The following CTNNA2 variants were observed in gnomAD, a reference collection of about 807,000 sequenced individuals.
The protein encoded by CTNNA2 is catenin alpha-2.
A neutral mutation model predicts 101.0 loss-of-function variants in CTNNA2; 42 were observed. The ratio of observed to expected loss-of-function variants is 0.42; its 90% CI spans 0.32 to 0.54. CTNNA2 has a LOEUF of 0.54. CTNNA2 is among the 20% of genes least tolerant of loss of function. The pLI, the probability that CTNNA2 is intolerant of heterozygous loss-of-function variation, is 0.14. For synonymous variants in CTNNA2, 450 were observed against 456.4 expected (o/e 0.99, Z 0.18); for missense variants, 871 against 1,223.1 (o/e 0.71, Z 4.29).
intron 2 of CTNNA2, among the ~76,000 whole-genome samples, chr2:79,724,836 A>G (rs1573796391): frequency 1.4e-5 from 2 of 147,714 alleles, no homozygotes; most frequent in Admixed American, 1.4e-4. Flanking sequence ...AAAAAAAAAA[A>G]GGAAAAGAAA....
intron 7 of CTNNA2, among the ~76,000 whole-genome samples, chr2:80,204,216 T>A (rs887446503): frequency 9.8e-5 from 15 of 152,380 alleles, no homozygotes; most frequent in African/African-American, 3.6e-4. Flanking sequence ...GATTAACATT[T>A]GGCTCCTCAT....
At chr2:80,462,631 C>CTTTTTTTTTTTTTTTTTTTTTTTTTTTTT (rs753815778) in intron 9 of CTNNA2, among the ~76,000 whole-genome samples, 2 of 94,772 alleles carry the variant, frequency 2.1e-5, no homozygotes, top group East Asian at 3.8e-4. Context: ...TTCTTTCTTT[C>CTTTTTTTTTTTTTTTTTTTTTTTTTTTTT]TTTTTTTTTT....
intron 4 of CTNNA2, among the ~76,000 whole-genome samples, chr2:79,384,973 A>G (rs1678081779): frequency 6.6e-6 from 1 of 152,204 alleles, no homozygotes; most frequent in Non-Finnish European, 1.5e-5. Flanking sequence ...ATCCTTAGAT[A>G]CACTTAGAGT....
upstream of CTNNA2, among the ~76,000 whole-genome samples, chr2:79,511,622 G>A (rs1671544264): frequency 6.6e-6 from 1 of 152,182 alleles, no homozygotes; most frequent in Non-Finnish European, 1.5e-5. Flanking sequence ...AATTGGTAAA[G>A]TGGTGGGGAC....
chr2:80,064,403 A>G (rs906674243), intron 7 of CTNNA2, among the ~76,000 whole-genome samples: 1 of 152,236 alleles, frequency 6.6e-6, no homozygotes, highest in East Asian at 1.9e-4. Flanking sequence ...CTACAGGACC[A>G]TCTTTTAGCC....
At chr2:80,308,273 G>A (rs560482758) in intron 7 of CTNNA2, among the ~76,000 whole-genome samples, 5 of 152,314 alleles carry the variant, frequency 3.3e-5, no homozygotes, top group Middle Eastern at 3.4e-3. Flanking sequence ...AAATGAATCT[G>A]CATTCTGGGG....
chr2:80,475,337 C>T (rs1480994743), intron 9 of CTNNA2, among the ~76,000 whole-genome samples: 2 of 151,852 alleles, frequency 1.3e-5, no homozygotes, highest in South Asian at 2.1e-4. Context: ...ATCTGTTGGT[C>T]CATGTAATAC....
At chr2:79,345,107 T>TA (rs1677231746) in intron 3 of CTNNA2, among the ~76,000 whole-genome samples, 3 of 45,802 alleles carry the variant, frequency 6.5e-5, no homozygotes, top group Non-Finnish European at 9.9e-5. Context: ...GTGTTTTTTT[T>TA]TAAAAAAAAA....
intron 7 of CTNNA2, among the ~76,000 whole-genome samples, chr2:80,335,141 T>C (rs759096559): frequency 2.6e-5 from 4 of 152,206 alleles, no homozygotes; most frequent in Non-Finnish European, 4.4e-5. Flanking sequence ...AAAAGAATAT[T>C]GTAGACAGGG....
intron 18 of CTNNA2, among the ~76,000 whole-genome samples, chr2:80,632,428 A>G (rs1442376542): frequency 6.6e-6 from 1 of 152,156 alleles, no homozygotes; most frequent in Non-Finnish European, 1.5e-5. Context: ...AGAATGGTCT[A>G]CCTTCAGTTT....
At chr2:79,271,596 A>C (rs1295535320) in intron 2 of CTNNA2, among the ~76,000 whole-genome samples, 1 of 151,980 alleles carries the variant, frequency 6.6e-6, no homozygotes, top group Non-Finnish European at 1.5e-5. Flanking sequence ...GTCTGAGTAG[A>C]GGATCATACC....
intron 7 of CTNNA2, among the ~76,000 whole-genome samples, chr2:80,228,433 A>G (rs1709015769): frequency 6.6e-6 from 1 of 152,158 alleles, no homozygotes; most frequent in Admixed American, 6.6e-5. Flanking sequence ...TTATGACCTA[A>G]TCATCTTCCA....
intron 1 of CTNNA2, among the ~76,000 whole-genome samples, chr2:79,599,952 A>C (rs182768473): frequency 6.6e-6 from 1 of 152,160 alleles, no homozygotes; most frequent in Admixed American, 6.6e-5. Flanking sequence ...AAAAGTCTTG[A>C]GGGAGTAGAA....
chr2:80,114,148 G>C (rs78365287), intron 7 of CTNNA2, among the ~76,000 whole-genome samples: 1 of 151,886 alleles, frequency 6.6e-6, no homozygotes, highest in Non-Finnish European at 1.5e-5. Context: ...TATCCTCTGG[G>C]TATATCTGTC....
At chr2:79,706,923 G>T (rs1685420414) in intron 2 of CTNNA2, among the ~76,000 whole-genome samples, 1 of 152,080 alleles carries the variant, frequency 6.6e-6, no homozygotes, top group African/African-American at 2.4e-5. Flanking sequence ...ACCTGATCTG[G>T]TCCCTCTGCC....
intron 7 of CTNNA2, among the ~76,000 whole-genome samples, chr2:80,002,675 T>G (rs1283763941): frequency 6.6e-6 from 1 of 152,128 alleles, no homozygotes; most frequent in African/African-American, 2.4e-5. Flanking sequence ...TGCCCAGTGC[T>G]GACACCAACA....
chr2:79,758,165 C>T (rs1315109695), intron 3 of CTNNA2, among the ~76,000 whole-genome samples: 8 of 152,104 alleles, frequency 5.3e-5, no homozygotes, highest in South Asian at 2.1e-4. Context: ...AAATACTCTA[C>T]GTTAACACAT....
intron 7 of CTNNA2, among the ~76,000 whole-genome samples, chr2:80,311,660 C>T (rs1677600868): frequency 6.6e-6 from 1 of 152,226 alleles, no homozygotes; most frequent in Non-Finnish European, 1.5e-5. Flanking sequence ...TCCAGCATTA[C>T]TTAAAATGCT....
At chr2:79,699,138 CT>C (rs1283907743) in intron 2 of CTNNA2, among the ~76,000 whole-genome samples, 1 of 152,028 alleles carries the variant, frequency 6.6e-6, no homozygotes, top group African/African-American at 2.4e-5. Flanking sequence ...TCCCATATGC[CT>C]GTAGGACATA....
Sources: allele counts gnomAD v4.1 joint callset (sites outside exome capture counted in the v4.1 genomes callset), GRCh38; gene constraint gnomAD v4.1.1; transcripts MANE v1.5; gene names NCBI Gene and HGNC (gene_info 2026-07-23, HGNC 2026-07-21).